Variants in SLC23A1 observed in about 807,000 individuals in gnomAD.
SLC23A1 encodes Na(+)/L-ascorbic acid transporter 1.
A neutral mutation model predicts 62.5 loss-of-function variants in SLC23A1; 31 were observed. The ratio of observed to expected loss-of-function variants is 0.50; its 90% CI spans 0.37 to 0.67. The LOEUF is 0.67. Ranked by LOEUF, SLC23A1 falls within the 30% of genes least tolerant of loss-of-function variation. The pLI, the probability that SLC23A1 is intolerant of heterozygous loss-of-function variation, is 0.00. For missense variants in SLC23A1, 640 were observed against 782.7 expected, an observed-to-expected ratio of 0.82 and a Z score of 2.18; for synonymous variants, 271 against 313.2, an observed-to-expected ratio of 0.87 and a Z score of 1.42.
chr5:139,383,364 A>C, upstream of SLC23A1: 1 of 1,532,086 alleles, frequency 6.5e-7, no homozygotes, highest in Non-Finnish European at 8.8e-7. Flanking sequence ...GTAAATCTGT[A>C]ACCAGATGCC....
intron 14 of SLC23A1, among the ~76,000 whole-genome samples, chr5:139,371,569 A>G (rs1286712450): frequency 6.6e-6 from 1 of 152,128 alleles, no homozygotes; most frequent in Non-Finnish European, 1.5e-5. Context: ...ATATGAGAGG[A>G]TTTTTCCTGT....
At position 139,379,322 on chromosome 5, in the gene SLC23A1, C is replaced by G; in HGVS notation, c.958G>C (p.Ala320Pro). 6.2e-7 allele frequency: 1 copy of G among 1,614,186 alleles called. No homozygotes were observed. Among genetic ancestry groups the G allele is most frequent in the Non-Finnish European group, 8.5e-7 (1 of 1,180,014 alleles). Reference sequence around the variant, plus strand: ...GTGGCGCTGAACATTCCCAGGACAGCAGCCGCAGTCACCGTGGGCAGGCCC... The same window carrying G: ...GTGGCGCTGAACATTCCCAGGACAGGAGCCGCAGTCACCGTGGGCAGGCCC... ...QWGLPTVTAA[A>P]VLGMFSATLA... is the part of the protein sequence containing the mutation. Residue 320 changes from alanine to proline, a missense_variant, in exon 9 of 15, where the codon GCT (alanine) becomes CCT (proline). Physicochemically the swap from Ala to Pro is conservative, Grantham distance 27 (BLOSUM62 -1). Coordinates refer to ENST00000348729, the MANE Select transcript of SLC23A1 (RefSeq NM_005847.5). This position sits in a 1 kb window ranked among gnomAD's most constrained non-coding sequence, Gnocchi z 4.7.
chr5:139,374,169 C>T (rs1282546293), intron 13 of SLC23A1, among the ~76,000 whole-genome samples: 2 of 152,216 alleles, frequency 1.3e-5, no homozygotes, highest in African/African-American at 4.8e-5. Context: ...ATATCCTCCT[C>T]AGTGTCTGAT....
chr5:139,379,430 G>GC lies in SLC23A1; in HGVS notation c.926-77_926-76insG, dbSNP rs1758122667. On this transcript the variant is annotated intron_variant, in intron 8 of 14. Transcript: ENST00000348729. The surrounding 1 kb of genome is among the most constrained non-coding windows in gnomAD (Gnocchi z 4.7). Reference sequence around the variant, plus strand: ...GTTAGGAATAGACAGGGCAGTGCTGGAAGGAGCAAGAGCAGATCAGGAGAC... The same window carrying GC: ...GTTAGGAATAGACAGGGCAGTGCTGGCAAGGAGCAAGAGCAGATCAGGAGAC... 2.1e-6 allele frequency: 3 copies of GC among 1,445,044 alleles called. No homozygotes were observed. The highest frequency in any genetic ancestry group is 2.9e-6 in the Non-Finnish European group (3 of 1,032,438). 89.5% of individuals were successfully genotyped at this position (1,445,044 alleles called of 1,614,324 possible).
At chr5:139,384,125 C>T (rs755116272), upstream of SLC23A1, among the ~76,000 whole-genome samples, 14 of 152,256 alleles carry the variant, frequency 9.2e-5, no homozygotes, top group Admixed American at 7.2e-4. Flanking sequence ...TTTCTATGCA[C>T]CAAGCCCTGT....
chr5:139,371,908 A>G, intron 14 of SLC23A1, 79 bp downstream of exon 14: 2 of 1,017,860 alleles, frequency 2.0e-6, no homozygotes, highest in Non-Finnish European at 3.0e-6. Context: ...AGAACTGAGT[A>G]GTTTGGTTTT....
At chr5:139,384,389 G>A (rs1453428701), upstream of SLC23A1, 1 of 1,289,384 alleles carries the variant, frequency 7.8e-7, no homozygotes, top group Non-Finnish European at 1.0e-6. Flanking sequence ...GCCAGGCCCT[G>A]CCTGAAGGGC....
At chr5:139,373,057 T>C (rs776284008) in intron 13 of SLC23A1, among the ~76,000 whole-genome samples, 2 of 152,228 alleles carry the variant, frequency 1.3e-5, no homozygotes, top group Non-Finnish European at 2.9e-5. Flanking sequence ...ATATTTCATA[T>C]TATGATTCCA....
At chr5:139,381,844 C>A in intron 3 of SLC23A1, 48 bp downstream of exon 3, 1 of 1,455,398 alleles carries the variant, frequency 6.9e-7, no homozygotes, top group Non-Finnish European at 9.4e-7. Flanking sequence ...CTGTGTGGAT[C>A]ACAGTGGAGG....
chr5:139,372,324 TC>T, intron 13 of SLC23A1, 71 bp from the exon 14 acceptor site: 1 of 1,417,028 alleles, frequency 7.1e-7, no homozygotes, highest in South Asian at 1.3e-5. Flanking sequence ...CATAACCCAG[TC>T]CTAAGGCAGA....
rs762451019 is a variant in SLC23A1, at chr5:139,378,356, C to T, written c.1180-5G>A. 2.6e-6 allele frequency: 4 copies of T among 1,557,908 alleles called. No individual in the cohort carries two copies. The highest frequency in any genetic ancestry group is 1.4e-5 in the African/African-American group (1 of 73,432). ...CACCACGCGCCGGCTGCCCACCTGC[C>T]GGGGAGCCAGCGGGGAAGCTAGACC... On this transcript the variant is annotated splice_region_variant and splice_polypyrimidine_tract_variant and intron_variant, in intron 10 of 14. Coordinates refer to ENST00000348729, the MANE Select transcript of SLC23A1 (RefSeq NM_005847.5). The surrounding 1 kb of genome is among the most constrained non-coding windows in gnomAD (Gnocchi z 4.5).
At chr5:139,373,049 A>G (rs1757763077) in intron 13 of SLC23A1, among the ~76,000 whole-genome samples, 1 of 152,186 alleles carries the variant, frequency 6.6e-6, no homozygotes, top group African/African-American at 2.4e-5. Flanking sequence ...CAGTGTTAAT[A>G]TTTCATATTA....
At position 139,367,563 on chromosome 5, in the gene SLC23A1, G is replaced by C. The variant is rs188304462; in HGVS notation, c.*88C>G. On this transcript the variant is annotated 3_prime_UTR_variant, in exon 15 of 15. Transcript: ENST00000348729. ...TACACAGAAGTTAGTTAGGGGCAGGGCTGGGATTTCAGGCTTAGGTCTTCT... is the reference window on the plus strand; with the variant it reads ...TACACAGAAGTTAGTTAGGGGCAGGCCTGGGATTTCAGGCTTAGGTCTTCT... 6.6e-6 allele frequency: 1 copy of C among 152,180 alleles called. No individual in the cohort carries two copies. Among genetic ancestry groups the C allele is most frequent in the African/African-American group, 2.4e-5 (1 of 41,524 alleles). 9.4% of individuals were successfully genotyped at this position (152,180 alleles called of 1,614,324 possible).
chr5:139,382,485 G>A lies in SLC23A1; in HGVS notation c.150+7C>T. On this transcript the variant is annotated splice_region_variant and intron_variant, in intron 2 of 14. Coordinates refer to ENST00000348729, the MANE Select transcript of SLC23A1 (RefSeq NM_005847.5). ...GAGTGAGGGCGGGGAGGCCCTGGGGGACCCACCTGGAAGCCCAGCAGGATG... is the reference window on the plus strand; with the variant it reads ...GAGTGAGGGCGGGGAGGCCCTGGGGAACCCACCTGGAAGCCCAGCAGGATG... 6.4e-7 allele frequency: 1 copy of A among 1,568,226 alleles called. No individual in the cohort carries two copies. Among genetic ancestry groups the A allele is most frequent in the African/African-American group, 1.4e-5 (1 of 74,062 alleles).
upstream of SLC23A1, chr5:139,384,848 T>G (rs1031937219): frequency 1.8e-5 from 12 of 673,304 alleles, no homozygotes; most frequent in East Asian, 1.5e-3. Context: ...CTTAGTGGGT[T>G]TCTTGGGCCC....
rs372917905 is a variant in SLC23A1, at chr5:139,382,034, A to G, written c.166T>C (p.Phe56Leu). 1.9e-4 allele frequency: 309 copies of G among 1,609,302 alleles called. 5 individuals are homozygous for G. The South Asian group carries it at 3.2e-3, about 17-fold the overall frequency. ...AAGGGCACGGCGATGGTACCACTGA[A>G]GCATGTCAGGTAGTGCTGGGCAGAG... The part of the protein sequence containing the change: ...LLGFQHYLTC[F>L]SGTIAVPFLL... Residue 56 changes from phenylalanine (F) to leucine (L), a missense_variant, in exon 3 of 15, where the codon TTC becomes CTC. Phe to Leu is a conservative substitution (Grantham distance 22). Transcript: ENST00000348729.
At chr5:139,381,406 C>T (rs1758248921) in intron 3 of SLC23A1, among the ~76,000 whole-genome samples, 1 of 151,840 alleles carries the variant, frequency 6.6e-6, no homozygotes, top group African/African-American at 2.4e-5. Flanking sequence ...GTAATCCCAG[C>T]ACTTTGGGAG....
intron 13 of SLC23A1, among the ~76,000 whole-genome samples, chr5:139,376,316 C>T (rs1349577651): frequency 2.0e-5 from 3 of 151,802 alleles, no homozygotes; most frequent in African/African-American, 7.3e-5. Context: ...ATTACAGGCA[C>T]ACACCACCAC....
Position 139,379,126 on chromosome 5 carries a change from CT to C in SLC23A1, c.1073+80del, listed in dbSNP as rs1453686583. The C allele has an allele frequency of 3.4e-6, 5 of 1,471,504 alleles. No individual in the cohort carries two copies. The highest frequency in any genetic ancestry group is 1.8e-4 in the Middle Eastern group (1 of 5,660). The allele number at this position is 1,471,504 out of a possible 1,614,324, so 91.2% of individuals were successfully genotyped here. ...TTCCCGACTTGCCTAAGCCTACCCCCTGGGCCTCCACCCCGTTCCTGTGTGT... is the reference window on the plus strand; with the variant it reads ...TTCCCGACTTGCCTAAGCCTACCCCCGGGCCTCCACCCCGTTCCTGTGTGT... On this transcript the variant is annotated intron_variant, in intron 9 of 14. Coordinates refer to ENST00000348729, the MANE Select transcript of SLC23A1 (RefSeq NM_005847.5). The surrounding 1 kb of genome is among the most constrained non-coding windows in gnomAD (Gnocchi z 4.7).
Sources: gnomAD v4.1 joint callset for allele counts (sites outside exome capture counted in the v4.1 genomes callset) on GRCh38, gnomAD v4.1.1 for gene constraint, Gnocchi (gnomAD v3.1) non-coding constraint, MANE v1.5 for transcripts, NCBI Gene and HGNC (gene_info 2026-07-23, HGNC 2026-07-21) for gene names.